Variants in RIMS1 observed in about 807,000 individuals in gnomAD.
RIMS1 encodes the protein regulating synaptic membrane exocytosis protein 1.
RIMS1 carries 83 observed loss-of-function variants against 214.1 expected under a neutral mutation model. The ratio of observed to expected loss-of-function variants is 0.39; its 90% confidence interval spans 0.32 to 0.47. RIMS1 has a LOEUF of 0.47. Among genes scored for constraint, RIMS1 ranks in the 20% least tolerant of loss-of-function variants. The pLI is 0.99. For synonymous variants in RIMS1, 793 were observed against 786.8 expected, an observed-to-expected ratio of 1.01 and a Z score of -0.13; for missense variants, 2,050 against 2,161.8, an observed-to-expected ratio of 0.95 and a Z score of 1.03.
chr6:72,354,815 A>G (rs1003549374), intron 29 of RIMS1, among the ~76,000 whole-genome samples: 3 of 152,240 alleles, frequency 2.0e-5, no homozygotes, highest in Admixed American at 1.3e-4. Context: ...TTCTGTTAAC[A>G]TAAGTCTAGG....
intron 26 of RIMS1, among the ~76,000 whole-genome samples, chr6:72,293,501 G>T (rs950195084): frequency 1.3e-5 from 2 of 151,860 alleles, no homozygotes; most frequent in Admixed American, 6.6e-5. Flanking sequence ...TTGCACAACT[G>T]AAAGAACTAC....
Position 72,258,157 on chromosome 6 carries a change from T to A in RIMS1, c.2803T>A (p.Ser935Thr). 6.2e-7 allele frequency: 1 copy of A among 1,613,080 alleles called. No homozygotes were observed. Among genetic ancestry groups the A allele is most frequent in the South Asian group, 1.1e-5 (1 of 91,010 alleles). Residue 935 changes from serine (S) to threonine (T), a missense_variant, in exon 17 of 34, where the codon TCT becomes ACT. By Grantham distance (58) the Ser-to-Thr change is moderately conservative. Coordinates refer to ENST00000521978, the MANE Select transcript of RIMS1 (RefSeq NM_014989.7). ...TAGGTCTAGTGCTAGAGAAAGTAAA[T>A]CTACAACATTAACTGTGCCAGAACA... ...GYRSSARESK[S>T]TTLTVPEQQR... is the part of the protein sequence containing the mutation.
intron 24 of RIMS1, 42 bp from the exon 25 acceptor site, chr6:72,290,637 G>C: frequency 6.4e-7 from 1 of 1,568,760 alleles, no homozygotes; most frequent in Non-Finnish European, 8.7e-7. Flanking sequence ...AAGTTAATGT[G>C]AACCTGCTGA....
At chr6:72,123,895 C>G (rs11759834) in intron 4 of RIMS1, among the ~76,000 whole-genome samples, 18,496 of 151,788 alleles carry the variant, frequency 0.12, 1,625 homozygotes, top group South Asian at 0.18. Context: ...TTCCTGAATA[C>G]AGCACACTGA....
intron 4 of RIMS1, among the ~76,000 whole-genome samples, chr6:72,145,560 C>T (rs1421826471): frequency 2.0e-5 from 3 of 151,986 alleles, no homozygotes; most frequent in Non-Finnish European, 4.4e-5. Flanking sequence ...TGCAGTGAGC[C>T]CAGATCATGC....
intron 2 of RIMS1, among the ~76,000 whole-genome samples, chr6:72,046,610 G>T (rs1246104258): frequency 1.3e-5 from 2 of 152,066 alleles, no homozygotes; most frequent in Admixed American, 6.6e-5. Flanking sequence ...ACAGGGCAAG[G>T]TTGTTTGCTA....
At chr6:72,289,008 G>A (rs1317842492) in intron 24 of RIMS1, among the ~76,000 whole-genome samples, 1 of 152,188 alleles carries the variant, frequency 6.6e-6, no homozygotes, top group African/African-American at 2.4e-5. Context: ...TATTCACCCA[G>A]GAAGCCATTT....
intron 4 of RIMS1, among the ~76,000 whole-genome samples, chr6:72,166,571 T>C (rs1052284176): frequency 2.0e-5 from 3 of 152,166 alleles, no homozygotes; most frequent in African/African-American, 4.8e-5. Context: ...AAATAAACTG[T>C]ATTTTTAAAA....
intron 24 of RIMS1, among the ~76,000 whole-genome samples, chr6:72,289,808 ATTCT>A (rs1392652861): frequency 6.6e-6 from 1 of 152,116 alleles, no homozygotes; most frequent in Non-Finnish European, 1.5e-5. Flanking sequence ...GTATCATTTT[ATTCT>A]TTCTGTCAAA....
chr6:72,224,802 C>T (rs1367446596), intron 6 of RIMS1, among the ~76,000 whole-genome samples: 1 of 152,106 alleles, frequency 6.6e-6, no homozygotes, highest in Non-Finnish European at 1.5e-5. Flanking sequence ...AGTTGGAGTA[C>T]AGTTGAAAGA....
chr6:72,394,946 A>C (rs2098756198), intron 31 of RIMS1, among the ~76,000 whole-genome samples: 1 of 152,042 alleles, frequency 6.6e-6, no homozygotes, highest in East Asian at 1.9e-4. Flanking sequence ...ACACCAAGAG[A>C]TTATTAAACA....
intron 1 of RIMS1, among the ~76,000 whole-genome samples, chr6:71,955,015 A>G (rs1300183426): frequency 6.6e-6 from 1 of 152,162 alleles, no homozygotes; most frequent in Non-Finnish European, 1.5e-5. Context: ...CTCTAAAAAT[A>G]TTTGAAATAC....
chr6:72,104,790 G>GT (rs201264489), intron 4 of RIMS1, among the ~76,000 whole-genome samples: 8 of 151,718 alleles, frequency 5.3e-5, no homozygotes, highest in South Asian at 2.1e-4. Context: ...TTAAATGACT[G>GT]TTTTTTTTTA....
chr6:72,166,236 TGA>T (rs567933630), intron 4 of RIMS1, among the ~76,000 whole-genome samples: 2 of 147,556 alleles, frequency 1.4e-5, no homozygotes, highest in African/African-American at 2.5e-5. Context: ...ACATACACAG[TGA>T]GAGAGAGAGA....
chr6:72,090,619 G>A (rs1835949895), intron 2 of RIMS1, among the ~76,000 whole-genome samples: 1 of 151,988 alleles, frequency 6.6e-6, no homozygotes, highest in Non-Finnish European at 1.5e-5. Flanking sequence ...TGTGTTGTGG[G>A]GACAACAAAG....
At chr6:72,393,603 T>G (rs2154444409) in intron 31 of RIMS1, among the ~76,000 whole-genome samples, 1 of 152,052 alleles carries the variant, frequency 6.6e-6, no homozygotes, top group East Asian at 1.9e-4. Flanking sequence ...GGTGGGCACC[T>G]GTAGTCCCAG....
intron 6 of RIMS1, among the ~76,000 whole-genome samples, chr6:72,210,903 C>T (rs991371875): frequency 2.0e-5 from 3 of 152,098 alleles, no homozygotes; most frequent in Non-Finnish European, 4.4e-5. Flanking sequence ...TGAATGCATG[C>T]ATGCAGGGAT....
At chr6:72,027,170 A>T (rs1216140390) in intron 2 of RIMS1, among the ~76,000 whole-genome samples, 1 of 152,158 alleles carries the variant, frequency 6.6e-6, no homozygotes, top group Non-Finnish European at 1.5e-5. Flanking sequence ...TTCTAAGACC[A>T]AACTGGCATT....
intron 2 of RIMS1, among the ~76,000 whole-genome samples, chr6:72,075,064 T>C (rs918821690): frequency 1.3e-5 from 2 of 152,070 alleles, no homozygotes; most frequent in Non-Finnish European, 2.9e-5. Context: ...GGAAGACAGA[T>C]AGGAGCCACT....
Sources: gnomAD v4.1 joint callset for allele counts (sites outside exome capture counted in the v4.1 genomes callset) on GRCh38, gnomAD v4.1.1 for gene constraint, MANE v1.5 for transcripts, NCBI Gene and HGNC (gene_info 2026-07-23, HGNC 2026-07-21) for gene names.